ANKS1B: variants seen among roughly 807,000 people sequenced by gnomAD.
The protein encoded by ANKS1B is ankyrin repeat and sterile alpha motif domain-containing protein 1B.
ANKS1B carries 36 observed loss-of-function variants against 148.3 expected under a neutral mutation model. The observed-to-expected ratio is 0.24, with a 90% CI of 0.19 to 0.32. The LOEUF (loss-of-function observed/expected upper bound fraction) is 0.32. Among genes scored for constraint, ANKS1B ranks in the 10% least tolerant of loss-of-function variants. ANKS1B has a pLI of 1.00. For synonymous variants in ANKS1B, 542 were observed against 560.8 expected, an observed-to-expected ratio of 0.97 and a Z score of 0.47; for missense variants, 1,157 against 1,542.6, an observed-to-expected ratio of 0.75 and a Z score of 4.19.
chr12:98,760,668 A>C (rs575638064), intron 25 of ANKS1B, among the ~76,000 whole-genome samples: 1 of 152,178 alleles, frequency 6.6e-6, no homozygotes, highest in African/African-American at 2.4e-5. Flanking sequence ...CAGTTTTCAT[A>C]CTGGATGCCA....
At chr12:99,080,467 G>A (rs1457346467) in intron 16 of ANKS1B, among the ~76,000 whole-genome samples, 1 of 152,156 alleles carries the variant, frequency 6.6e-6, no homozygotes, top group Non-Finnish European at 1.5e-5. Flanking sequence ...AAACTGGAAA[G>A]CATTAGAAGA....
chr12:99,614,161 A>G (rs967187879), intron 9 of ANKS1B, among the ~76,000 whole-genome samples: 1 of 151,994 alleles, frequency 6.6e-6, no homozygotes, highest in Non-Finnish European at 1.5e-5. Context: ...GAGGCTGGGC[A>G]TGGTGGCTCA....
intron 15 of ANKS1B, among the ~76,000 whole-genome samples, chr12:99,089,105 G>A (rs938198613): frequency 5.3e-5 from 8 of 151,874 alleles, no homozygotes; most frequent in South Asian, 2.1e-4. Flanking sequence ...GATTACAGGC[G>A]TGAGCAACCG....
intron 15 of ANKS1B, chr12:99,104,715 C>T (rs1162868598): frequency 6.6e-6 from 1 of 152,258 alleles, no homozygotes; most frequent in Non-Finnish European, 1.5e-5. Flanking sequence ...GAACGTCCTT[C>T]TCTATACCTG....
chr12:98,761,051 G>GACCATCCTCAT (rs1285911662), intron 25 of ANKS1B, among the ~76,000 whole-genome samples: 1 of 152,190 alleles, frequency 6.6e-6, no homozygotes, highest in Non-Finnish European at 1.5e-5. Context: ...GAGGAGGAAT[G>GACCATCCTCAT]ACCATCCTCA....
At chr12:98,766,822 C>T (rs939988578) in intron 25 of ANKS1B, among the ~76,000 whole-genome samples, 8 of 151,976 alleles carry the variant, frequency 5.3e-5, no homozygotes, top group Non-Finnish European at 1.0e-4. Flanking sequence ...ATTTTTCTTT[C>T]CTTTTTTTTT....
chr12:99,237,938 G>A (rs1492249), intron 14 of ANKS1B, among the ~76,000 whole-genome samples: 5,208 of 152,308 alleles, frequency 0.034, 118 homozygotes, highest in Non-Finnish European at 0.049. Flanking sequence ...TGTCCAAGGT[G>A]GCTGAATAGG....
intron 8 of ANKS1B, among the ~76,000 whole-genome samples, chr12:99,730,065 GT>G (rs1853514093): frequency 6.6e-6 from 1 of 152,168 alleles, no homozygotes; most frequent in South Asian, 2.1e-4. Flanking sequence ...GACTCTTTTT[GT>G]CACTTTCTCT....
chr12:98,972,424 C>T (rs1338819574), intron 17 of ANKS1B, among the ~76,000 whole-genome samples: 2 of 152,130 alleles, frequency 1.3e-5, no homozygotes, highest in Admixed American at 6.5e-5. Flanking sequence ...CAGGCCTATA[C>T]ATTATCTCGT....
intron 14 of ANKS1B, among the ~76,000 whole-genome samples, chr12:99,204,846 A>G (rs987709988): frequency 6.6e-6 from 1 of 152,178 alleles, no homozygotes; most frequent in Admixed American, 6.5e-5. Context: ...CTTTGGATAC[A>G]AGCCATTTTT....
chr12:99,480,343 A>C (rs557141398), intron 10 of ANKS1B, among the ~76,000 whole-genome samples: 17 of 152,016 alleles, frequency 1.1e-4, no homozygotes, highest in African/African-American at 3.9e-4. Flanking sequence ...CTTACTAAGA[A>C]AAGATATTTT....
chr12:99,551,018 G>T (rs1395320934), intron 9 of ANKS1B, among the ~76,000 whole-genome samples: 3 of 152,024 alleles, frequency 2.0e-5, no homozygotes, highest in Non-Finnish European at 1.5e-5. Flanking sequence ...TAAAACCCTG[G>T]CATCCTACTA....
intron 8 of ANKS1B, among the ~76,000 whole-genome samples, chr12:99,693,870 T>A (rs1050438848): frequency 1.0e-4 from 15 of 148,478 alleles, no homozygotes; most frequent in African/African-American, 3.7e-4. Flanking sequence ...AAGCTCTGCC[T>A]CCCGGGTTCA....
chr12:99,640,600 T>A (rs2098293369), intron 9 of ANKS1B, among the ~76,000 whole-genome samples: 1 of 152,204 alleles, frequency 6.6e-6, no homozygotes, highest in African/African-American at 2.4e-5. Context: ...AGCACCCTGA[T>A]ATTAGACTTC....
chr12:99,349,429 A>T (rs1376336241), intron 12 of ANKS1B, among the ~76,000 whole-genome samples: 2 of 152,010 alleles, frequency 1.3e-5, no homozygotes, highest in Non-Finnish European at 2.9e-5. Flanking sequence ...TACTGTCTAC[A>T]TGAGACTCAT....
At chr12:98,885,287 C>G (rs529603529) in intron 17 of ANKS1B, among the ~76,000 whole-genome samples, 96 of 152,268 alleles carry the variant, frequency 6.3e-4, no homozygotes, top group Non-Finnish European at 1.1e-3. Context: ...CTATAATAAA[C>G]TTCAAAACTG....
chr12:99,641,551 A>G (rs1425729635), intron 9 of ANKS1B, among the ~76,000 whole-genome samples: 3 of 152,208 alleles, frequency 2.0e-5, no homozygotes, highest in Non-Finnish European at 2.9e-5. Context: ...AAATGGATGG[A>G]AAGATGTATA....
At chr12:99,566,134 G>A (rs2097390889) in intron 9 of ANKS1B, among the ~76,000 whole-genome samples, 1 of 152,064 alleles carries the variant, frequency 6.6e-6, no homozygotes, top group African/African-American at 2.4e-5. Flanking sequence ...CTGAATTTTA[G>A]CATCTTTTGC....
chr12:99,600,112 C>G (rs930205530), intron 9 of ANKS1B, among the ~76,000 whole-genome samples: 2 of 151,734 alleles, frequency 1.3e-5, no homozygotes, highest in Non-Finnish European at 2.9e-5. Flanking sequence ...CTGCCTGTAC[C>G]ATTTTGGAAA....
Sources: gnomAD v4.1 joint callset for allele counts (sites outside exome capture counted in the v4.1 genomes callset) on GRCh38, gnomAD v4.1.1 for gene constraint, MANE v1.5 for transcripts, NCBI Gene and HGNC (gene_info 2026-07-23, HGNC 2026-07-21) for gene names.